FAM169A: variants seen among roughly 807,000 people sequenced by gnomAD.
The protein encoded by FAM169A is family with sequence similarity 169 member A.
In FAM169A, 24 loss-of-function variants were observed where a neutral mutation model predicts 75.7. The observed-to-expected ratio is 0.32, with a 90% confidence interval of 0.23 to 0.45. The LOEUF (loss-of-function observed/expected upper bound fraction) is 0.45. Among genes scored for constraint, FAM169A ranks in the 20% least tolerant of loss-of-function variants. The pLI is 1.00. For missense variants in FAM169A, 673 were observed against 784.0 expected (o/e 0.86, Z 1.69); for synonymous variants, 271 against 271.0 (o/e 1.00, Z 0.00).
chr5:74,786,105 C>A (rs1296399795), intron 11 of FAM169A, among the ~76,000 whole-genome samples: 1 of 152,178 alleles, frequency 6.6e-6, no homozygotes, highest in Non-Finnish European at 1.5e-5. Flanking sequence ...TCCCAGCCTA[C>A]ATCTTTCTCC....
chr5:74,781,912 T>C lies in FAM169A; in HGVS notation c.1561A>G (p.Lys521Glu). 1 of 1,613,978 alleles carries C rather than the reference T, an allele frequency of 6.2e-7. No homozygotes were observed. Among genetic ancestry groups the C allele is most frequent in the East Asian group, 2.2e-5 (1 of 44,888 alleles). Residue 521 changes from lysine to glutamate, a missense_variant, in exon 13 of 13, where the codon AAA (lysine) becomes GAA (glutamate). Around this residue, in one of 3 missense-constraint regions of FAM169A, gnomAD observed 510 missense variants for 550.9 expected, o/e 0.93. Transcript: ENST00000687041. ...TTGTCTGAACTCCCAAGATGTGCTT[T>C]CTTTCTTGGAAGTAGGGACAATTTC... ...EEKLSLLPRKKAHLGSSDNVA... is the reference protein window; with the variant it reads ...EEKLSLLPRKEAHLGSSDNVA...
intron 8 of FAM169A, among the ~76,000 whole-genome samples, chr5:74,803,641 TC>T (rs1746703856): frequency 1.3e-5 from 2 of 152,128 alleles, no homozygotes; most frequent in African/African-American, 4.8e-5. Flanking sequence ...ACCCTAGACT[TC>T]TAGAGTCCCA....
intron 5 of FAM169A, among the ~76,000 whole-genome samples, chr5:74,819,200 C>T (rs1279618102): frequency 6.8e-6 from 1 of 147,164 alleles, no homozygotes; most frequent in African/African-American, 2.5e-5. Flanking sequence ...GCCTGGGTGA[C>T]AGAGCAAAAC....
At chr5:74,817,593 G>A (rs1281034637) in intron 5 of FAM169A, among the ~76,000 whole-genome samples, 5 of 152,080 alleles carry the variant, frequency 3.3e-5, no homozygotes, top group Non-Finnish European at 7.4e-5. Flanking sequence ...ATGCTAAGAT[G>A]TCCATATTTC....
rs1745309624 is a variant in FAM169A at position 74,779,602 on chromosome 5, TTCAC to T, written c.*1854_*1857del. ...TAAAACAGCATAAATGTTTGGTAGATTCACTAATAGTAGTCATACTTTTTTTTTT... is the reference window on the plus strand; with the variant it reads ...TAAAACAGCATAAATGTTTGGTAGATTAATAGTAGTCATACTTTTTTTTTT... On this transcript the variant is annotated 3_prime_UTR_variant, in exon 13 of 13. Coordinates refer to ENST00000687041, the MANE Select transcript of FAM169A (RefSeq NM_001376049.1). The T allele has an allele frequency of 6.6e-6, 1 of 152,022 alleles. No individual in the cohort carries two copies. The highest frequency in any genetic ancestry group is 1.5e-5 in the Non-Finnish European group (1 of 67,998). 9.4% of individuals were successfully genotyped at this position (152,022 alleles called of 1,614,324 possible).
chr5:74,782,766 A>C (rs904100866), intron 12 of FAM169A, among the ~76,000 whole-genome samples, 165 bp downstream of exon 12: 6 of 152,256 alleles, frequency 3.9e-5, no homozygotes, highest in African/African-American at 1.4e-4. Flanking sequence ...TTGAATTTAT[A>C]GAATATTACT....
chr5:74,800,292 T>A (rs1434003239), intron 10 of FAM169A, among the ~76,000 whole-genome samples: 14 of 152,180 alleles, frequency 9.2e-5, no homozygotes, highest in Non-Finnish European at 1.2e-4. Flanking sequence ...CATTCCATTC[T>A]TGACCAAAGC....
intron 1 of FAM169A, among the ~76,000 whole-genome samples, chr5:74,847,055 A>AT (rs1369854373): frequency 6.6e-6 from 1 of 152,192 alleles, no homozygotes; most frequent in Admixed American, 6.5e-5. Context: ...TCACTATATA[A>AT]TATTTTTCTC....
chr5:74,865,724 G>C (rs925647016), intron 1 of FAM169A: 3 of 152,514 alleles, frequency 2.0e-5, no homozygotes, highest in Admixed American at 6.5e-5. Flanking sequence ...GGTGAACCGA[G>C]TCTAAACGCT....
intron 10 of FAM169A, chr5:74,799,746 G>A (rs1746464229): frequency 8.8e-7 from 1 of 1,140,110 alleles, no homozygotes; most frequent in African/African-American, 1.5e-5. Flanking sequence ...GCTCCTGAGT[G>A]TGTCATCTGT....
chr5:74,846,726 A>G (rs1444149246), intron 1 of FAM169A, among the ~76,000 whole-genome samples: 2 of 152,280 alleles, frequency 1.3e-5, no homozygotes, highest in Admixed American at 1.3e-4. Flanking sequence ...TATCGCACCC[A>G]GCTAGTCTGT....
At chr5:74,782,111 G>T in intron 12 of FAM169A, 103 bp from the exon 13 acceptor site, 3 of 850,866 alleles carry the variant, frequency 3.5e-6, no homozygotes, top group South Asian at 1.8e-5. Flanking sequence ...ATTTAATTCG[G>T]TATTCATTAC....
At chr5:74,845,495 G>A (rs1749107487) in intron 1 of FAM169A, among the ~76,000 whole-genome samples, 1 of 152,130 alleles carries the variant, frequency 6.6e-6, no homozygotes, top group African/African-American at 2.4e-5. Flanking sequence ...TCCAGCCTGG[G>A]TGACAGAGCG....
At chr5:74,854,767 T>C (rs1265877279) in intron 1 of FAM169A, among the ~76,000 whole-genome samples, 1 of 152,214 alleles carries the variant, frequency 6.6e-6, no homozygotes, top group Non-Finnish European at 1.5e-5. Context: ...TCCATCCATG[T>C]TGTTGCAAAT....
chr5:74,861,084 C>T (rs1750011868), intron 1 of FAM169A, among the ~76,000 whole-genome samples: 1 of 152,180 alleles, frequency 6.6e-6, no homozygotes, highest in African/African-American at 2.4e-5. Flanking sequence ...TTGCGGTGAG[C>T]TGAGATTGCA....
At chr5:74,829,055 C>A (rs768115167) in intron 5 of FAM169A, among the ~76,000 whole-genome samples, 1 of 152,176 alleles carries the variant, frequency 6.6e-6, no homozygotes. Flanking sequence ...GAATTTTGAA[C>A]GGTGTCCTGA....
intron 6 of FAM169A, among the ~76,000 whole-genome samples, chr5:74,808,790 G>C (rs1747019855): frequency 6.6e-6 from 1 of 152,146 alleles, no homozygotes; most frequent in African/African-American, 2.4e-5. Flanking sequence ...AGTGGTATTA[G>C]GGAAGGGTTC....
chr5:74,809,695 T>A (rs1358060483), intron 6 of FAM169A, among the ~76,000 whole-genome samples: 1 of 152,206 alleles, frequency 6.6e-6, no homozygotes, highest in Non-Finnish European at 1.5e-5. Context: ...TACCCTTTTT[T>A]AGGGTAGATG....
At position 74,839,187 on chromosome 5, in the gene FAM169A, T is replaced by C. The variant is rs929513991; in HGVS notation, c.233-137A>G. 30 of 632,338 alleles carry C rather than the reference T, an allele frequency of 4.7e-5. No homozygotes were observed. The Admixed American group carries it at 6.0e-4, about 13-fold the overall frequency. The allele number at this position is 632,338 out of a possible 1,614,324, so 39.2% of individuals were successfully genotyped here. A position where few individuals can be genotyped will look rare whatever the true frequency, so the allele number is the denominator to read the frequency against. On this transcript the variant is annotated intron_variant, in intron 3 of 12. Coordinates refer to ENST00000687041, the MANE Select transcript of FAM169A (RefSeq NM_001376049.1). ...ATATAAACCTTACCAAATAGTAATA[T>C]TGTACTTTGTAGCCTCATTTATACC...
Sources: gnomAD v4.1 joint callset for allele counts (sites outside exome capture counted in the v4.1 genomes callset) on GRCh38, gnomAD v4.1.1 for gene constraint, gnomAD v4.1.1 regional missense constraint, MANE v1.5 for transcripts, NCBI Gene and HGNC (gene_info 2026-07-23, HGNC 2026-07-21) for gene names.